TTF1: variants seen among roughly 807,000 people sequenced by gnomAD.
The protein encoded by TTF1 is transcription termination factor, RNA polymerase I.
Under a neutral mutation model 80.2 loss-of-function variants are expected in TTF1, and 64 were observed. The ratio of observed to expected loss-of-function variants is 0.80; its 90% CI spans 0.65 to 0.98. TTF1 has a LOEUF of 0.98. Among genes scored for constraint, TTF1 ranks in the 50% least tolerant of loss-of-function variants. The pLI, the probability that TTF1 is intolerant of heterozygous loss-of-function variation, is 0.00. For missense variants in TTF1, 1,023 were observed against 1,086.2 expected (o/e 0.94, Z 0.82); for synonymous variants, 372 against 382.7 (o/e 0.97, Z 0.33).
chr9:132,379,321 ATTGT>A (rs1422421709), intron 9 of TTF1, 177 bp from the exon 10 acceptor site: 1 of 464,054 alleles, frequency 2.2e-6, no homozygotes, highest in Non-Finnish European at 3.7e-6. Context: ...ATGGAAAGCT[ATTGT>A]TTATTTGGTT....
rs1849547916 is a variant in TTF1 at position 132,390,846 on chromosome 9, A to G, written c.1988-15T>C. 4.3e-6 allele frequency: 7 copies of G among 1,610,360 alleles called. No individual in the cohort carries two copies. Among genetic ancestry groups the G allele is most frequent in the Non-Finnish European group, 5.9e-6 (7 of 1,177,906 alleles). ...ACGATTTCTTTCTGTAGATATAAAA[A>G]GATGGTCTTATAGTAGCTAGTCTAT... On this transcript the variant is annotated splice_polypyrimidine_tract_variant and intron_variant, in intron 6 of 10. Transcript: ENST00000334270.
intron 4 of TTF1, among the ~76,000 whole-genome samples, chr9:132,397,670 C>T (rs1350598805): frequency 6.6e-6 from 1 of 152,154 alleles, no homozygotes; most frequent in Non-Finnish European, 1.5e-5. Context: ...TTCCAAATCC[C>T]AGAAAGTACA....
At position 132,402,027 on chromosome 9, in the gene TTF1, T is replaced by C; in HGVS notation, c.795A>G (p.Gln265=). ...PTVGLDDETP[Q]LLGPTHKKKS... ...TTTTTTTGTGAGTAGGTCCTAGTAG[T>C]TGTGGAGTTTCATCATCCAAGCCCA... The change falls in exon 2 of 11, where the codon CAA becomes CAG. Residue 265 remains glutamine (Q), a synonymous_variant. Transcript: ENST00000334270. 6.2e-7 allele frequency: 1 copy of C among 1,614,062 alleles called. No homozygotes were observed. Among genetic ancestry groups the C allele is most frequent in the East Asian group, 2.2e-5 (1 of 44,882 alleles).
chr9:132,379,036 A>G (rs758374673), intron 10 of TTF1, 23 bp downstream of exon 10: 6 of 1,562,102 alleles, frequency 3.8e-6, no homozygotes, highest in Non-Finnish European at 4.4e-6. Context: ...GTTCTTAGCC[A>G]TATAAATATT....
chr9:132,389,295 G>A (rs1167534011), intron 7 of TTF1, among the ~76,000 whole-genome samples: 2 of 149,682 alleles, frequency 1.3e-5, no homozygotes, highest in Non-Finnish European at 3.0e-5. Context: ...CAATTCTCCT[G>A]CCTCAGCCTC....
chr9:132,386,054 G>A (rs891347762), intron 9 of TTF1, among the ~76,000 whole-genome samples: 2 of 152,084 alleles, frequency 1.3e-5, no homozygotes, highest in Non-Finnish European at 2.9e-5. Flanking sequence ...GGTATGTACT[G>A]GGAAAATTCA....
chr9:132,398,665 G>GT (rs1849702023), intron 3 of TTF1, among the ~76,000 whole-genome samples: 1 of 152,150 alleles, frequency 6.6e-6, no homozygotes, highest in African/African-American at 2.4e-5. Context: ...CATGATCAAA[G>GT]TCCACTGCAA....
intron 9 of TTF1, among the ~76,000 whole-genome samples, chr9:132,380,124 C>A (rs1215583169): frequency 6.6e-6 from 1 of 151,970 alleles, no homozygotes; most frequent in Non-Finnish European, 1.5e-5. Context: ...GGCTGGAGTG[C>A]AGAGGCACAT....
intron 4 of TTF1, among the ~76,000 whole-genome samples, chr9:132,396,917 C>A (rs1253498658): frequency 2.0e-5 from 3 of 151,960 alleles, no homozygotes; most frequent in Admixed American, 2.0e-4. Flanking sequence ...ACCAAATGAA[C>A]CAGCTGGCCA....
intron 9 of TTF1, 83 bp downstream of exon 9, chr9:132,386,473 C>T: frequency 1.8e-6 from 2 of 1,128,742 alleles, no homozygotes; most frequent in Admixed American, 4.2e-5. Context: ...TCATTATCAG[C>T]CCTGTAAGAT....
chr9:132,405,062 A>G (rs1198807680), intron 1 of TTF1, among the ~76,000 whole-genome samples: 1 of 149,492 alleles, frequency 6.7e-6, no homozygotes. Context: ...ATTTTTTTGT[A>G]TTTTTTAGTA....
intron 10 of TTF1, among the ~76,000 whole-genome samples, chr9:132,377,185 G>GTGCA (rs201564539): frequency 1.4e-5 from 2 of 144,928 alleles, no homozygotes; most frequent in African/African-American, 5.4e-5. Flanking sequence ...TGGTGTGTGA[G>GTGCA]TGCATGCATG....
chr9:132,384,571 AAT>A lies in TTF1; in HGVS notation c.2378+1983_2378+1984del, dbSNP rs1010574396. Among the ~76,000 whole-genome samples, 2 of 152,208 alleles carry A rather than the reference AAT, an allele frequency of 1.3e-5. No homozygotes were observed. The highest frequency in any genetic ancestry group is 4.8e-5 in the African/African-American group (2 of 41,456). ...CATTTTGCATAAACCATCTACGGAA[AAT>A]AGATACTGGTTTCCTGTAGGGCTAC... On this transcript the variant is annotated intron_variant, in intron 9 of 10. Transcript: ENST00000334270. This position sits in a 1 kb window ranked among gnomAD's most constrained non-coding sequence, Gnocchi z 4.1.
At chr9:132,400,365 C>T in intron 2 of TTF1, 107 bp from the exon 3 acceptor site, 7 of 915,404 alleles carry the variant, frequency 7.6e-6, no homozygotes, top group Non-Finnish European at 1.0e-5. Flanking sequence ...TGCTCTGTCG[C>T]CAGGCTGGAG....
Position 132,402,788 on chromosome 9 carries a change from T to A in TTF1, c.34A>T (p.Thr12Ser), listed in dbSNP as rs1849792232. 1 of 1,591,606 alleles carries A rather than the reference T, an allele frequency of 6.3e-7. No homozygotes were observed. Among genetic ancestry groups the A allele is most frequent in the East Asian group, 2.2e-5 (1 of 44,720 alleles). ...TTCTTTTTCTTGTCAGAAACTGGAG[T>A]GTGGATTTCAAATCTGCTTGATTCT... Reference protein sequence around the residue: ...EGESSRFEIHTPVSDKKKKKC... With the variant: ...EGESSRFEIHSPVSDKKKKKC... The change falls in exon 2 of 11, where the codon ACT becomes TCT. Residue 12 changes from threonine (T) to serine (S), a missense_variant. By Grantham distance (58) the Thr-to-Ser change is moderately conservative (BLOSUM62 1). Transcript: ENST00000334270.
chr9:132,398,031 G>A (rs1220440569), intron 4 of TTF1, 110 bp downstream of exon 4: 5 of 814,962 alleles, frequency 6.1e-6, no homozygotes, highest in African/African-American at 1.8e-5. Flanking sequence ...CAGTTAATGT[G>A]CGCCGCCTGC....
intron 5 of TTF1, 81 bp from the exon 6 acceptor site, chr9:132,392,287 T>A: frequency 6.5e-7 from 1 of 1,541,988 alleles, no homozygotes; most frequent in Non-Finnish European, 8.8e-7. Flanking sequence ...TACGCAGCAA[T>A]CGTGGGGAAA....
At chr9:132,392,283 G>A in intron 5 of TTF1, 77 bp from the exon 6 acceptor site, 1 of 1,546,676 alleles carries the variant, frequency 6.5e-7, no homozygotes, top group Non-Finnish European at 8.8e-7. Flanking sequence ...CCAGTACGCA[G>A]CAATCGTGGG....
chr9:132,378,989 G>C, intron 10 of TTF1, 70 bp downstream of exon 10: 1 of 1,221,814 alleles, frequency 8.2e-7, no homozygotes, highest in South Asian at 1.4e-5. Flanking sequence ...ACCTGCCTAG[G>C]TGACTTTCAT....
Sources: allele counts gnomAD v4.1 joint callset (sites outside exome capture counted in the v4.1 genomes callset), GRCh38; gene constraint gnomAD v4.1.1; non-coding constraint Gnocchi (gnomAD v3.1); transcripts MANE v1.5; gene names NCBI Gene and HGNC (gene_info 2026-07-23, HGNC 2026-07-21).